ZNF503: variants seen among roughly 807,000 people sequenced by gnomAD.
ZNF503 encodes the protein zinc finger protein 503.
ZNF503 carries 15 observed loss-of-function variants against 34.4 expected under a neutral mutation model. The observed-to-expected ratio is 0.44, with a 90% CI of 0.29 to 0.67. ZNF503 has a LOEUF of 0.67. Among genes scored for constraint, ZNF503 ranks in the 30% least tolerant of loss-of-function variants. ZNF503 has a pLI of 0.13. For missense variants in ZNF503, 1,007 were observed against 926.8 expected (o/e 1.09, Z -1.12); for synonymous variants, 580 against 456.8 (o/e 1.27, Z -3.44).
At position 75,399,723 on chromosome 10, in the gene ZNF503, G is replaced by A; in HGVS notation, c.967C>T (p.Pro323Ser). The change falls in exon 2 of 2, where the codon CCC becomes TCC. Residue 323 changes from proline (P) to serine (S), a missense_variant. Physicochemically the swap from Pro to Ser is moderately conservative, Grantham distance 74 (BLOSUM62 -1). Coordinates refer to ENST00000372524, the MANE Select transcript of ZNF503 (RefSeq NM_032772.6). ...GSSGSSSGSG[P>S]SAPTSSSVLG... The stretch of plus-strand genomic sequence containing the variant: ...ACTGAGGAGGAGGTGGGCGCGCTGG[G>A]GCCGGAGCCGGAGCTGGAGCCCGAT... 2.5e-6 allele frequency: 4 copies of A among 1,596,554 alleles called. No homozygotes were observed. The highest frequency in any genetic ancestry group is 1.1e-5 in the South Asian group (1 of 90,170).
the ZNF503 span, among the ~76,000 whole-genome samples, chr10:75,354,691 C>T: frequency 6.6e-6 from 1 of 152,018 alleles, no homozygotes; most frequent in African/African-American, 2.4e-5. Flanking sequence ...GTCTGGGAGA[C>T]AGAGCAAGAC....
In ZNF503 at chr10:75,399,915, C is replaced by A; in HGVS notation, c.775G>T (p.Asp259Tyr). The stretch of plus-strand genomic sequence containing the variant: ...GTGCCCTTGCCACCGCCGCCCACGT[C>A]GGTGTCTTTCTTGTCGTCCTTGCCC... ...PEGKDDKKDT[D>Y]VGGGGKGTGG... Residue 259 changes from aspartate (D) to tyrosine (Y), a missense_variant, in exon 2 of 2, where the codon GAC becomes TAC. Physicochemically the swap from Asp to Tyr is radical, Grantham distance 160. Coordinates refer to ENST00000372524, the MANE Select transcript of ZNF503 (RefSeq NM_032772.6). The A allele has an allele frequency of 6.2e-7, 1 of 1,605,970 alleles. No homozygotes were observed.
At chr10:75,360,657 T>A in the ZNF503 span, 1 of 152,200 alleles carries the variant, frequency 6.6e-6, no homozygotes, top group Non-Finnish European at 1.5e-5. Flanking sequence ...TGGAAGGTAA[T>A]GTTCTATAGA....
At chr10:75,303,831 C>CTTT in the ZNF503 span, among the ~76,000 whole-genome samples, 206 of 124,466 alleles carry the variant, frequency 1.7e-3, 5 homozygotes, top group Non-Finnish European at 2.6e-3. Flanking sequence ...GTGGCTAAAT[C>CTTT]TTTTTTTTTT....
At chr10:75,395,926 G>A (rs1355005365), downstream of ZNF503, among the ~76,000 whole-genome samples, 1 of 152,126 alleles carries the variant, frequency 6.6e-6, no homozygotes, top group African/African-American at 2.4e-5. This position sits in a 1 kb window ranked among gnomAD's most constrained non-coding sequence, Gnocchi z 4.4. Context: ...GCGGGGGAAT[G>A]TCTAGGTCCT....
At chr10:75,356,419 G>C in the ZNF503 span, among the ~76,000 whole-genome samples, 1 of 152,174 alleles carries the variant, frequency 6.6e-6, no homozygotes, top group Non-Finnish European at 1.5e-5. Flanking sequence ...GTTTCACCAT[G>C]TTAGCCAGGA....
chr10:75,346,908 T>C, the ZNF503 span, among the ~76,000 whole-genome samples: 1 of 151,866 alleles, frequency 6.6e-6, no homozygotes, highest in Non-Finnish European at 1.5e-5. Flanking sequence ...TCCCAAAGTG[T>C]TGGGATTGGG....
chr10:75,354,711 TAAAAC>T, the ZNF503 span, among the ~76,000 whole-genome samples: 7 of 152,196 alleles, frequency 4.6e-5, no homozygotes, highest in African/African-American at 1.4e-4. Flanking sequence ...CCCTGTCTCT[TAAAAC>T]AAAACAAAAC....
the ZNF503 span, among the ~76,000 whole-genome samples, chr10:75,314,025 G>A: frequency 1.3e-5 from 2 of 152,072 alleles, no homozygotes; most frequent in Non-Finnish European, 2.9e-5. Flanking sequence ...AGACTTCAGG[G>A]AACATGAAAA....
chr10:75,346,783 A>G, the ZNF503 span, among the ~76,000 whole-genome samples: 3,554 of 148,656 alleles, frequency 0.024, 126 homozygotes, highest in African/African-American at 0.082. Context: ...GGCGTGCACC[A>G]CCACAGTCGG....
At chr10:75,356,115 C>T in the ZNF503 span, among the ~76,000 whole-genome samples, 7,936 of 152,258 alleles carry the variant, frequency 0.052, 571 homozygotes, top group African/African-American at 0.16. Context: ...ACATCTGCTA[C>T]GTTTCATTTG....
the ZNF503 span, among the ~76,000 whole-genome samples, chr10:75,345,634 CAA>C: frequency 4.2e-5 from 3 of 72,284 alleles, no homozygotes; most frequent in Admixed American, 1.6e-4. Flanking sequence ...GACTCTGTCT[CAA>C]AAAAAAAAAA....
the ZNF503 span, among the ~76,000 whole-genome samples, chr10:75,366,947 T>C: frequency 6.6e-6 from 1 of 152,218 alleles, no homozygotes; most frequent in East Asian, 1.9e-4. Context: ...TCCTCCCCTT[T>C]CCTGATTCAC....
chr10:75,366,051 C>T, the ZNF503 span, among the ~76,000 whole-genome samples: 4 of 152,232 alleles, frequency 2.6e-5, no homozygotes, highest in South Asian at 2.1e-4. Context: ...CCCCCTTGGC[C>T]GCAAAGATTC....
chr10:75,401,510 G>C lies in ZNF503; in HGVS notation c.-91C>G. On this transcript the variant is annotated 5_prime_UTR_variant, in exon 1 of 2. Coordinates refer to ENST00000372524, the MANE Select transcript of ZNF503 (RefSeq NM_032772.6). Reference sequence around the variant, plus strand: ...CTGCGCGCTCGCCCCGGGAGCAGGAGCAGCGGGAGGAGGAGGAGCTGGCGC... The same window carrying C: ...CTGCGCGCTCGCCCCGGGAGCAGGACCAGCGGGAGGAGGAGGAGCTGGCGC... 2 of 1,436,616 alleles carry C rather than the reference G, an allele frequency of 1.4e-6. No homozygotes were observed. The highest frequency in any genetic ancestry group is 2.4e-4 in the Middle Eastern group (1 of 4,146). 89.0% of individuals were successfully genotyped at this position (1,436,616 alleles called of 1,614,324 possible).
the ZNF503 span, among the ~76,000 whole-genome samples, chr10:75,326,916 C>T: frequency 1.3e-5 from 2 of 151,920 alleles, no homozygotes; most frequent in East Asian, 3.9e-4. Flanking sequence ...AACTCCTGAC[C>T]TCAGGTGATC....
chr10:75,318,585 A>G, the ZNF503 span, among the ~76,000 whole-genome samples: 1 of 149,982 alleles, frequency 6.7e-6, no homozygotes, highest in Non-Finnish European at 1.5e-5. Context: ...AGGAGGATCG[A>G]TTGAGCCTAG....
At chr10:75,348,399 T>C in the ZNF503 span, among the ~76,000 whole-genome samples, 1 of 151,942 alleles carries the variant, frequency 6.6e-6, no homozygotes, top group Non-Finnish European at 1.5e-5. Context: ...GGTTTCACCG[T>C]GTTGACCAGG....
At chr10:75,344,526 C>T in the ZNF503 span, among the ~76,000 whole-genome samples, 1 of 152,196 alleles carries the variant, frequency 6.6e-6, no homozygotes, top group African/African-American at 2.4e-5. Context: ...TTTCTCCTTG[C>T]TGCCTTGAAT....
Sources: allele counts gnomAD v4.1 joint callset (sites outside exome capture counted in the v4.1 genomes callset), GRCh38; gene constraint gnomAD v4.1.1; non-coding constraint Gnocchi (gnomAD v3.1); transcripts MANE v1.5; gene names NCBI Gene and HGNC (gene_info 2026-07-23, HGNC 2026-07-21).